ACSM3: variants seen among roughly 807,000 people sequenced by gnomAD.
ACSM3 encodes acyl-CoA synthetase medium chain family member 3.
Under a neutral mutation model 74.1 loss-of-function variants are expected in ACSM3, and 61 were observed. That is an observed-to-expected ratio of 0.82 (90% CI 0.67 to 1.02). The LOEUF (loss-of-function observed/expected upper bound fraction) is 1.02. Among genes scored for constraint, ACSM3 ranks in the 50% least tolerant of loss-of-function variants. The pLI is 0.00. For missense variants in ACSM3, 660 were observed against 697.0 expected (o/e 0.95, Z 0.60); for synonymous variants, 213 against 241.5 (o/e 0.88, Z 1.09).
At chr16:20,710,901 A>G (rs2079741864) in intron 1 of ACSM3, among the ~76,000 whole-genome samples, 1 of 152,168 alleles carries the variant, frequency 6.6e-6, no homozygotes, top group Admixed American at 6.5e-5. Context: ...CCTGGCCAAC[A>G]TGGTGAAACC....
rs146514980 is a variant in ACSM3 at position 20,709,515 on chromosome 16, C to T, written c.-190+34693C>T. Among the ~76,000 whole-genome samples the T allele has an allele frequency of 2.8e-3, 422 of 152,272 alleles. 2 individuals carry two copies. Among genetic ancestry groups the T allele is most frequent in the Middle Eastern group, 0.014 (4 of 294 alleles). ...ACCACTAGAAGAAAACTGCCCCTAA[C>T]CCTGAAGCTAGAGGTCAACCTATTG... On this transcript the variant is annotated intron_variant, in intron 1 of 3. Transcript: ENST00000561584.
In ACSM3 at chr16:20,792,087, T is replaced by C. The variant is rs1382295009; in HGVS notation, c.1412T>C (p.Phe471Ser). 1 of 1,613,992 alleles carries C rather than the reference T, an allele frequency of 6.2e-7. No homozygotes were observed. The highest frequency in any genetic ancestry group is 1.7e-5 in the Admixed American group (1 of 60,002). The change falls in exon 11 of 14, where the codon TTC becomes TCC. Residue 471 changes from phenylalanine (F) to serine (S), a missense_variant. Coordinates refer to ENST00000289416, the MANE Select transcript of ACSM3 (RefSeq NM_005622.4). The stretch of plus-strand genomic sequence containing the variant: ...GGATATATGGATAAAGATGGGTATT[T>C]CTGGTTTGTTGCAAGAGCAGATGAT... ...DRGYMDKDGY[F>S]WFVARADDVI...
chr16:20,714,531 A>G (rs920435516), intron 1 of ACSM3, among the ~76,000 whole-genome samples: 1 of 152,190 alleles, frequency 6.6e-6, no homozygotes, highest in Non-Finnish European at 1.5e-5. Context: ...AAGAAATGAC[A>G]AAAATCTAAA....
At chr16:20,700,649 T>C (rs2152355675) in intron 1 of ACSM3, among the ~76,000 whole-genome samples, 1 of 151,960 alleles carries the variant, frequency 6.6e-6, no homozygotes, top group Non-Finnish European at 1.5e-5. Context: ...TAAGGATCTT[T>C]ATGGACATAA....
At chr16:20,688,816 A>G (rs2079600634) in intron 1 of ACSM3, among the ~76,000 whole-genome samples, 1 of 151,986 alleles carries the variant, frequency 6.6e-6, no homozygotes. Flanking sequence ...GAACTCAAAT[A>G]TGAAAATGTA....
chr16:20,779,773 T>TC (rs2080312375), intron 4 of ACSM3: 1 of 77,804 alleles, frequency 1.3e-5, no homozygotes, highest in Non-Finnish European at 2.3e-5. Flanking sequence ...TCAGCAAACT[T>TC]TTTTTTTTTT....
intron 1 of ACSM3, among the ~76,000 whole-genome samples, chr16:20,693,237 G>T (rs1033484884): frequency 1.4e-4 from 21 of 152,022 alleles, no homozygotes; most frequent in African/African-American, 4.3e-4. Context: ...CAATGGACTG[G>T]GATGTGGCAT....
At chr16:20,728,093 G>A (rs892935830) in intron 1 of ACSM3, 5 of 233,664 alleles carry the variant, frequency 2.1e-5, no homozygotes, top group Non-Finnish European at 4.3e-5. Context: ...TGAATCTTAA[G>A]TTTCATTGTC....
chr16:20,758,718 T>A (rs1413752790), intron 3 of ACSM3, among the ~76,000 whole-genome samples: 5 of 151,296 alleles, frequency 3.3e-5, no homozygotes, highest in East Asian at 1.9e-4. Flanking sequence ...TTAATTGTGA[T>A]GTTAGGGTGT....
intron 1 of ACSM3, among the ~76,000 whole-genome samples, chr16:20,694,404 G>C (rs962279131): frequency 1.3e-5 from 2 of 152,066 alleles, no homozygotes; most frequent in African/African-American, 4.8e-5. Flanking sequence ...ATTTCTTTAC[G>C]GCACCAAGGA....
intron 2 of ACSM3, among the ~76,000 whole-genome samples, chr16:20,774,850 TG>T (rs1395785013): frequency 3.3e-5 from 5 of 152,018 alleles, no homozygotes; most frequent in African/African-American, 1.2e-4. Flanking sequence ...CATGGGTACT[TG>T]TAGTAGTGGC....
intron 1 of ACSM3, among the ~76,000 whole-genome samples, chr16:20,698,401 C>A (rs2079701961): frequency 6.6e-6 from 1 of 152,026 alleles, no homozygotes. Flanking sequence ...AGAGCCTGGG[C>A]TCTGGAGGTC....
At position 20,792,133 on chromosome 16, in the gene ACSM3, ACTTT is replaced by A; in HGVS notation, c.1454+9_1454+12del. The A allele has an allele frequency of 1.2e-6, 2 of 1,614,110 alleles. No individual in the cohort carries two copies. Among genetic ancestry groups the A allele is most frequent in the Non-Finnish European group, 1.7e-6 (2 of 1,179,996 alleles). On this transcript the variant is annotated splice_donor_5th_base_variant and intron_variant, in intron 11 of 13. Transcript: ENST00000289416. ...ATGATGTCATATTATCCTCTGGGTAACTTTCTTTTCCATATGTGCATATGTCTGT... is the reference window on the plus strand; with the variant it reads ...ATGATGTCATATTATCCTCTGGGTAACTTTTCCATATGTGCATATGTCTGT...
At chr16:20,704,051 C>T (rs1040185143) in intron 1 of ACSM3, 2 of 150,168 alleles carry the variant, frequency 1.3e-5, no homozygotes, top group African/African-American at 5.1e-5. Flanking sequence ...GAAATGACTA[C>T]TTCTTAAGTA....
chr16:20,769,905 A>T (rs553867837), intron 1 of ACSM3, 79 bp from the exon 2 acceptor site: 1 of 755,478 alleles, frequency 1.3e-6, no homozygotes, highest in East Asian at 2.6e-5. Flanking sequence ...ATCAATACTA[A>T]TAACAAAACT....
chr16:20,786,151 A>T lies in ACSM3; in HGVS notation c.1217A>T (p.Asp406Val). Residue 406 changes from aspartate to valine, a missense_variant, in exon 9 of 14, where the codon GAT becomes GTT. Asp to Val is a radical substitution (Grantham distance 152). Coordinates refer to ENST00000289416, the MANE Select transcript of ACSM3 (RefSeq NM_005622.4). ...GSMGKPSPAF[D>V]VKIVDVNGNV... ...ATGGGAAAACCTTCTCCTGCTTTCG[A>T]TGTTAAGGTTTGCACATCCCCTTCC... The T allele has an allele frequency of 1.2e-6, 2 of 1,609,862 alleles. No homozygotes were observed. The highest frequency in any genetic ancestry group is 1.7e-6 in the Non-Finnish European group (2 of 1,178,184).
At chr16:20,737,034 C>T (rs1459400611) in intron 1 of ACSM3, 1 of 1,614,046 alleles carries the variant, frequency 6.2e-7, no homozygotes, top group Non-Finnish European at 8.5e-7. Context: ...GTTATTTTTT[C>T]CTTCTGCTGT....
intron 1 of ACSM3, chr16:20,728,110 T>C (rs1203131765): frequency 1.6e-5 from 4 of 252,324 alleles, no homozygotes; most frequent in South Asian, 5.2e-5. Flanking sequence ...TGTCATGATA[T>C]AGTTTCAGAA....
intron 1 of ACSM3, chr16:20,691,224 T>C (rs952012060): frequency 4.1e-5 from 61 of 1,497,336 alleles, no homozygotes; most frequent in Non-Finnish European, 5.3e-5. Flanking sequence ...CACAGAGTTC[T>C]CAAGTCACCA....
Sources: allele counts gnomAD v4.1 joint callset (sites outside exome capture counted in the v4.1 genomes callset), GRCh38; gene constraint gnomAD v4.1.1; transcripts MANE v1.5; gene names NCBI Gene and HGNC (gene_info 2026-07-23, HGNC 2026-07-21).